LIN54: variants seen among roughly 807,000 people sequenced by gnomAD.
The protein encoded by LIN54 is protein lin-54 homolog.
LIN54 carries 9 observed loss-of-function variants against 78.7 expected under a neutral mutation model. The observed-to-expected ratio is 0.11, with a 90% CI of 0.07 to 0.20. LIN54 has a LOEUF of 0.20. Ranked by LOEUF, LIN54 falls within the 10% of genes least tolerant of loss-of-function variation. The pLI is 1.00. For synonymous variants in LIN54, 269 were observed against 318.4 expected (o/e 0.84, Z 1.65); for missense variants, 573 against 889.9 (o/e 0.64, Z 4.53).
intron 3 of LIN54, among the ~76,000 whole-genome samples, chr4:82,978,100 C>T (rs201427294): frequency 7.1e-6 from 1 of 141,802 alleles, no homozygotes; most frequent in Admixed American, 7.2e-5. Context: ...ACCAGAAATT[C>T]AAAGTCAATT....
Position 82,962,127 on chromosome 4 carries a change from G to C in LIN54, c.951+8200C>G, listed in dbSNP as rs1450113315. 6.6e-5 allele frequency among the ~76,000 whole-genome samples: 10 copies of C among 152,134 alleles called. No individual in the cohort carries two copies. In the East Asian group the frequency reaches 1.7e-3, roughly 26 times the overall value. ...TTTTTTGGATATAGAGTCTTGCTATGTTGCCCAGGCTGGCCTTGAACTCCT... is the reference window on the plus strand; with the variant it reads ...TTTTTTGGATATAGAGTCTTGCTATCTTGCCCAGGCTGGCCTTGAACTCCT... On this transcript the variant is annotated intron_variant, in intron 4 of 12. Coordinates refer to ENST00000340417, the MANE Select transcript of LIN54 (RefSeq NM_194282.4).
chr4:82,958,840 T>G (rs969295631), intron 4 of LIN54, among the ~76,000 whole-genome samples: 5 of 152,000 alleles, frequency 3.3e-5, no homozygotes, highest in African/African-American at 1.2e-4. Flanking sequence ...GTAGCTGGGA[T>G]AACAAGCGTG....
Position 82,991,416 on chromosome 4 carries a change from CTGATAGCTTTTCAGTATAGA to C in LIN54, c.-32-6560_-32-6541del, listed in dbSNP as rs1291193754. On this transcript the variant is annotated intron_variant, in intron 1 of 12. Coordinates refer to ENST00000340417, the MANE Select transcript of LIN54 (RefSeq NM_194282.4). ...ACCTAGCTAAACTCACTTATTAATT[CTGATAGCTTTTCAGTATAGA>C]TGACTTAAGATTTTCTATAAATACA... Among the ~76,000 whole-genome samples the C allele has an allele frequency of 3.7e-4, 56 of 152,076 alleles. 1 individual carries two copies. Among genetic ancestry groups the C allele is most frequent in the Admixed American group, 1.3e-4 (2 of 15,254 alleles).
At chr4:82,937,929 G>A (rs759088154) in intron 8 of LIN54, among the ~76,000 whole-genome samples, 1 of 152,174 alleles carries the variant, frequency 6.6e-6, no homozygotes, top group Non-Finnish European at 1.5e-5. Flanking sequence ...CCAGGAGGTG[G>A]AGATTAGCCT....
At chr4:82,981,477 T>G (rs750773964) in intron 2 of LIN54, among the ~76,000 whole-genome samples, 8 of 152,004 alleles carry the variant, frequency 5.3e-5, no homozygotes, top group African/African-American at 2.4e-5. Context: ...GACAACTACC[T>G]AGGGGGAAAA....
rs189945305 is a variant in LIN54, at chr4:82,950,032, G to C, written c.952-3558C>G. On this transcript the variant is annotated intron_variant, in intron 4 of 12. Coordinates refer to ENST00000340417, the MANE Select transcript of LIN54 (RefSeq NM_194282.4). ...GGCTAATTTTTATATTTTTAGTAGA[G>C]ATGAGGTTTCGCCATGTTGGCCAGG... Among the ~76,000 whole-genome samples, 506 of 151,744 alleles carry C rather than the reference G, an allele frequency of 3.3e-3. 6 individuals are homozygous for C. The highest frequency in any genetic ancestry group is 0.011 in the African/African-American group (470 of 41,380).
intron 1 of LIN54, among the ~76,000 whole-genome samples, chr4:83,006,436 G>A (rs1267677340): frequency 6.3e-5 from 9 of 143,362 alleles, no homozygotes; most frequent in Admixed American, 4.3e-4. Context: ...GTGACAGAGC[G>A]AGACTCCGTC....
chr4:82,994,122 TC>T (rs1727984539), intron 1 of LIN54, among the ~76,000 whole-genome samples: 10 of 152,108 alleles, frequency 6.6e-5, no homozygotes, highest in Admixed American at 6.6e-4. Flanking sequence ...TTAGATGTAT[TC>T]CATTAATTTC....
At chr4:82,955,421 T>TAACATAACAC (rs1388447911) in intron 4 of LIN54, among the ~76,000 whole-genome samples, 15 of 150,660 alleles carry the variant, frequency 1.0e-4, no homozygotes, top group African/African-American at 3.2e-4. Flanking sequence ...TAACATAACA[T>TAACATAACAC]AATGAACAGA....
At position 82,984,218 on chromosome 4, in the gene LIN54, C is replaced by T; in HGVS notation, c.627G>A (p.Leu209=). The change falls in exon 2 of 13, where the codon CTG becomes CTA. Residue 209 remains leucine, a synonymous_variant. Transcript: ENST00000340417. ...CAGAGGGCTGAGTTGTAGTATTAAT[C>T]AGTTGACTTCCTGGGGTCAATGCTG... ...GVSALTPGSQ[L]INTTTQPSVL... 1 of 1,614,066 alleles carries T rather than the reference C, an allele frequency of 6.2e-7. No individual in the cohort carries two copies.
intron 3 of LIN54, among the ~76,000 whole-genome samples, chr4:82,973,771 G>A (rs1319330230): frequency 6.6e-6 from 1 of 152,146 alleles, no homozygotes; most frequent in Non-Finnish European, 1.5e-5. Context: ...ACAAAATAAT[G>A]TATTTACCGA....
intron 4 of LIN54, among the ~76,000 whole-genome samples, chr4:82,964,109 G>T (rs773679909): frequency 6.6e-6 from 1 of 151,224 alleles, no homozygotes; most frequent in Non-Finnish European, 1.5e-5. Context: ...GAAGTGCAGC[G>T]GTACAATCTT....
intron 5 of LIN54, among the ~76,000 whole-genome samples, chr4:82,942,319 A>G (rs1405649732): frequency 6.6e-6 from 1 of 152,188 alleles, no homozygotes; most frequent in Non-Finnish European, 1.5e-5. Flanking sequence ...ATATATGATT[A>G]GTGGTGATGG....
intron 3 of LIN54, 37 bp downstream of exon 3, chr4:82,978,846 T>A: frequency 7.6e-7 from 1 of 1,308,828 alleles, no homozygotes; most frequent in Non-Finnish European, 1.1e-6. Context: ...AAAAGGAAGA[T>A]AAATATTTAG....
chr4:82,945,044 T>C (rs1429629456), intron 5 of LIN54, among the ~76,000 whole-genome samples: 1 of 152,172 alleles, frequency 6.6e-6, no homozygotes, highest in Non-Finnish European at 1.5e-5. Flanking sequence ...GTATTTTTAG[T>C]AGAGACGGGG....
chr4:82,989,610 T>C (rs1418553130), intron 1 of LIN54, among the ~76,000 whole-genome samples: 1 of 152,170 alleles, frequency 6.6e-6, no homozygotes, highest in Non-Finnish European at 1.5e-5. Context: ...TATTTAGACA[T>C]AGGGGTATGG....
At chr4:82,938,889 C>T (rs1722614177) in intron 7 of LIN54, among the ~76,000 whole-genome samples, 1 of 152,194 alleles carries the variant, frequency 6.6e-6, no homozygotes, top group African/African-American at 2.4e-5. Flanking sequence ...CTACAAATTA[C>T]AGAGAATGAG....
intron 4 of LIN54, among the ~76,000 whole-genome samples, chr4:82,947,801 T>C (rs1344455144): frequency 1.3e-5 from 2 of 152,158 alleles, no homozygotes; most frequent in African/African-American, 4.8e-5. Context: ...AATAATTACA[T>C]CCTCACCTAC....
intron 11 of LIN54, among the ~76,000 whole-genome samples, 168 bp downstream of exon 11, chr4:82,935,813 T>C (rs1041580412): frequency 6.6e-5 from 10 of 152,182 alleles, no homozygotes; most frequent in African/African-American, 2.4e-4. Flanking sequence ...TCCGAAGCCC[T>C]GCTACAGAGG....
Sources: gnomAD v4.1 joint callset for allele counts (sites outside exome capture counted in the v4.1 genomes callset) on GRCh38, gnomAD v4.1.1 for gene constraint, MANE v1.5 for transcripts, NCBI Gene and HGNC (gene_info 2026-07-23, HGNC 2026-07-21) for gene names.